Variants in CNTNAP4 observed in about 807,000 individuals in gnomAD.
CNTNAP4 encodes the protein contactin associated protein family member 4, also known as contactin-associated protein-like 4.
Under a neutral mutation model 148.4 loss-of-function variants are expected in CNTNAP4, and 98 were observed. The observed-to-expected ratio is 0.66, with a 90% confidence interval of 0.56 to 0.78. The LOEUF is 0.78. Among genes scored for constraint, CNTNAP4 ranks in the 30% least tolerant of loss-of-function variants. The probability of loss-of-function intolerance (pLI) is 0.00; values close to 1 mark genes in which losing one functional copy is unlikely to be tolerated. For synonymous variants in CNTNAP4, 730 were observed against 565.1 expected, an observed-to-expected ratio of 1.29 and a Z score of -4.14; for missense variants, 1,935 against 1,565.6, an observed-to-expected ratio of 1.24 and a Z score of -3.98.
At chr16:76,442,995 G>A (rs907450637) in intron 4 of CNTNAP4, among the ~76,000 whole-genome samples, 1 of 152,046 alleles carries the variant, frequency 6.6e-6, no homozygotes, top group Non-Finnish European at 1.5e-5. Context: ...ACTAAAAAGC[G>A]GGGAATTTGT....
At chr16:76,279,781 A>G (rs569291756) in intron 1 of CNTNAP4, among the ~76,000 whole-genome samples, 68 of 152,212 alleles carry the variant, frequency 4.5e-4, no homozygotes, top group Admixed American at 9.2e-4. Flanking sequence ...TATTTTGACA[A>G]TATGATTTGC....
At position 76,533,989 on chromosome 16, in the gene CNTNAP4, G is replaced by A. The variant is rs74502282; in HGVS notation, c.2756-1556G>A. ...TGAATTCTGAATAGTGTTAGTGTCCGTAAGTCCAGAATTCTCAGGAATTCT... is the reference window on the plus strand; with the variant it reads ...TGAATTCTGAATAGTGTTAGTGTCCATAAGTCCAGAATTCTCAGGAATTCT... On this transcript the variant is annotated intron_variant, in intron 17 of 23. Coordinates refer to ENST00000611870, the MANE Select transcript of CNTNAP4 (RefSeq NM_033401.5). 7.7e-3 allele frequency among the ~76,000 whole-genome samples: 1,179 copies of A among 152,250 alleles called. 41 individuals carry two copies. The East Asian group carries it at 0.08, about 10-fold the overall frequency.
At chr16:76,366,376 A>G (rs755824732) in intron 3 of CNTNAP4, among the ~76,000 whole-genome samples, 1 of 152,206 alleles carries the variant, frequency 6.6e-6, no homozygotes, top group Non-Finnish European at 1.5e-5. Context: ...AAGTAGGAAC[A>G]TATAGCATTT....
chr16:76,316,758 T>C (rs1961802454), intron 2 of CNTNAP4, among the ~76,000 whole-genome samples: 1 of 152,182 alleles, frequency 6.6e-6, no homozygotes, highest in Non-Finnish European at 1.5e-5. Flanking sequence ...TTTTTATATA[T>C]CTTACTAAAT....
At chr16:76,489,942 A>G (rs1352626703) in intron 13 of CNTNAP4, 59 bp downstream of exon 13, 30 of 1,162,284 alleles carry the variant, frequency 2.6e-5, no homozygotes, top group Non-Finnish European at 3.3e-5. Context: ...TTACTCAACT[A>G]GCTCCTGAGA....
intron 21 of CNTNAP4, among the ~76,000 whole-genome samples, chr16:76,546,544 G>A (rs147861722): frequency 3.9e-4 from 60 of 152,254 alleles, no homozygotes; most frequent in Non-Finnish European, 6.2e-4. Context: ...AGATGGGACC[G>A]TCTAGTTACA....
chr16:76,534,101 A>G (rs1003774806), intron 17 of CNTNAP4, among the ~76,000 whole-genome samples: 2 of 152,206 alleles, frequency 1.3e-5, no homozygotes, highest in Non-Finnish European at 2.9e-5. Flanking sequence ...CCTCATTCTC[A>G]GTCTCAGAGA....
At chr16:76,405,671 G>C (rs2078577318) in intron 3 of CNTNAP4, among the ~76,000 whole-genome samples, 2 of 152,074 alleles carry the variant, frequency 1.3e-5, no homozygotes, top group Non-Finnish European at 2.9e-5. Context: ...AGGAGGAGGA[G>C]GGAGAGGAGG....
At chr16:76,341,560 G>T (rs777783684) in intron 2 of CNTNAP4, among the ~76,000 whole-genome samples, 3 of 152,136 alleles carry the variant, frequency 2.0e-5, no homozygotes, top group African/African-American at 4.8e-5. Context: ...ATGAATGGAA[G>T]GCTAGAATTA....
intron 2 of CNTNAP4, among the ~76,000 whole-genome samples, chr16:76,332,463 C>T (rs1388853972): frequency 6.6e-6 from 1 of 152,040 alleles, no homozygotes; most frequent in Non-Finnish European, 1.5e-5. Flanking sequence ...GGGATTTTGC[C>T]ATGTTGCCTA....
chr16:76,513,373 T>C (rs2083105679), intron 15 of CNTNAP4, among the ~76,000 whole-genome samples: 1 of 151,918 alleles, frequency 6.6e-6, no homozygotes, highest in Non-Finnish European at 1.5e-5. Context: ...ATGAAGGAAA[T>C]ATAGTGTGAT....
At chr16:76,384,685 GTTA>G (rs1567950945) in intron 3 of CNTNAP4, among the ~76,000 whole-genome samples, 1 of 152,124 alleles carries the variant, frequency 6.6e-6, no homozygotes, top group African/African-American at 2.4e-5. Flanking sequence ...AAGTGGCCTT[GTTA>G]TTAGTCATGC....
At chr16:76,378,391 G>C (rs939691489) in intron 3 of CNTNAP4, among the ~76,000 whole-genome samples, 2 of 152,206 alleles carry the variant, frequency 1.3e-5, no homozygotes, top group Non-Finnish European at 2.9e-5. Flanking sequence ...CTTTGTAGTA[G>C]CCTTTGTAGT....
rs546337742 is a variant in CNTNAP4 at position 76,481,760 on chromosome 16, A to C, written c.1882+2222A>C. Among the ~76,000 whole-genome samples the C allele has an allele frequency of 3.3e-5, 5 of 152,304 alleles. No individual in the cohort carries two copies. The East Asian group carries it at 5.8e-4, about 18-fold the overall frequency. Reference sequence around the variant, plus strand: ...GATTTGGTACTTAAAATTGAAGAACATATCTTTCGGGCAGAGGAAACAGAA... The same window carrying C: ...GATTTGGTACTTAAAATTGAAGAACCTATCTTTCGGGCAGAGGAAACAGAA... On this transcript the variant is annotated intron_variant, in intron 12 of 23. Transcript: ENST00000611870.
intron 1 of CNTNAP4, among the ~76,000 whole-genome samples, chr16:76,313,206 A>G (rs1961331113): frequency 6.6e-6 from 1 of 152,222 alleles, no homozygotes; most frequent in African/African-American, 2.4e-5. Context: ...AAAACAAATG[A>G]ACAATAAATA....
At chr16:76,429,241 G>C (rs1037039704) in intron 4 of CNTNAP4, among the ~76,000 whole-genome samples, 13 of 152,094 alleles carry the variant, frequency 8.5e-5, no homozygotes, top group African/African-American at 3.1e-4. Context: ...CTAGAAGTTG[G>C]ACAGTAGTCT....
chr16:76,497,949 T>C (rs1207165583), intron 14 of CNTNAP4, among the ~76,000 whole-genome samples: 4 of 152,178 alleles, frequency 2.6e-5, no homozygotes. Context: ...TATCAATCAT[T>C]ACACTAAATG....
chr16:76,402,349 C>G (rs756705766), intron 3 of CNTNAP4, among the ~76,000 whole-genome samples: 9 of 150,398 alleles, frequency 6.0e-5, no homozygotes, highest in Non-Finnish European at 1.0e-4. Flanking sequence ...TCTGATGTTT[C>G]TGATGTTTGG....
intron 3 of CNTNAP4, among the ~76,000 whole-genome samples, chr16:76,422,420 G>T (rs781196587): frequency 6.6e-6 from 1 of 152,052 alleles, no homozygotes; most frequent in Non-Finnish European, 1.5e-5. Flanking sequence ...AAAGTTCTTT[G>T]TCTATAAAAG....
Sources: allele counts gnomAD v4.1 joint callset (sites outside exome capture counted in the v4.1 genomes callset), GRCh38; gene constraint gnomAD v4.1.1; transcripts MANE v1.5; gene names NCBI Gene and HGNC (gene_info 2026-07-23, HGNC 2026-07-21).